Variants in CD200R1 observed in about 807,000 individuals in gnomAD.
The protein encoded by CD200R1 is cell surface glycoprotein CD200 receptor 1.
In CD200R1, 30 loss-of-function variants were observed where a neutral mutation model predicts 38.1. The ratio of observed to expected loss-of-function variants is 0.79; its 90% CI spans 0.59 to 1.07. The LOEUF (loss-of-function observed/expected upper bound fraction) is 1.07, where lower values mean the gene tolerates loss of function less well. Among genes scored for constraint, CD200R1 ranks in the 50% least tolerant of loss-of-function variants. The pLI, the probability that CD200R1 is intolerant of heterozygous loss-of-function variation, is 0.00. For synonymous variants in CD200R1, 128 were observed against 152.1 expected (o/e 0.84, Z 1.16); for missense variants, 372 against 415.4 (o/e 0.90, Z 0.91).
intron 1 of CD200R1, among the ~76,000 whole-genome samples, chr3:112,958,032 T>C: frequency 6.6e-6 from 1 of 152,186 alleles, no homozygotes; most frequent in Non-Finnish European, 1.5e-5. Context: ...CATACATTAC[T>C]AGTGGGAATG....
intron 2 of CD200R1, among the ~76,000 whole-genome samples, chr3:112,943,514 T>C (rs1275367669): frequency 1.3e-5 from 2 of 151,760 alleles, no homozygotes; most frequent in Non-Finnish European, 3.0e-5. Flanking sequence ...TGAATGCACA[T>C]ATTAGAAAAT....
intron 1 of CD200R1, among the ~76,000 whole-genome samples, chr3:112,955,911 CT>C (rs1941088694): frequency 1.3e-5 from 2 of 150,746 alleles, no homozygotes; most frequent in Non-Finnish European, 3.0e-5. Context: ...GTTATTGCTT[CT>C]TTTCTTTTGC....
chr3:112,934,948 C>T (rs1228739131), intron 2 of CD200R1, among the ~76,000 whole-genome samples: 2 of 151,844 alleles, frequency 1.3e-5, no homozygotes, highest in East Asian at 1.9e-4. Context: ...GCAGGAGTAG[C>T]TATACTTACA....
At chr3:112,960,936 A>C (rs1299511039) in intron 1 of CD200R1, among the ~76,000 whole-genome samples, 1 of 152,098 alleles carries the variant, frequency 6.6e-6, no homozygotes, top group East Asian at 1.9e-4. Context: ...ATTTTAAAAC[A>C]CAATTTGAAG....
chr3:112,933,444 G>A (rs1397219836), intron 2 of CD200R1, among the ~76,000 whole-genome samples: 2 of 152,156 alleles, frequency 1.3e-5, no homozygotes, highest in East Asian at 3.8e-4. Flanking sequence ...AGGTCATAGG[G>A]ACACTTGCAA....
chr3:112,952,322 T>G (rs958873384), intron 1 of CD200R1, among the ~76,000 whole-genome samples: 1 of 152,198 alleles, frequency 6.6e-6, no homozygotes, highest in African/African-American at 2.4e-5. Flanking sequence ...AGCTACTAAT[T>G]TTTAATGTTG....
Position 112,922,334 on chromosome 3 carries a change from T to G in CD200R1, c.*1343A>C, listed in dbSNP as rs1379603755. The G allele has an allele frequency of 6.6e-6, 1 of 152,010 alleles. No individual in the cohort carries two copies. Among genetic ancestry groups the G allele is most frequent in the Non-Finnish European group, 1.5e-5 (1 of 67,926 alleles). The allele number at this position is 152,010 out of a possible 1,614,324, so 9.4% of individuals were successfully genotyped here. ...ACTTATGTTTTTAATTAAAAATAATTTCATGATATTAACAATGATTTACAT... is the reference window on the plus strand; with the variant it reads ...ACTTATGTTTTTAATTAAAAATAATGTCATGATATTAACAATGATTTACAT... On this transcript the variant is annotated 3_prime_UTR_variant, in exon 8 of 8. Transcript: ENST00000308611.
rs557093187 is a variant in CD200R1 at position 112,944,787 on chromosome 3, AGCAAGGTT to A, written c.136+3061_136+3068del. On this transcript the variant is annotated intron_variant, in intron 2 of 7. Transcript: ENST00000308611. ...ACTCCTAGAACTAATAAGAAATTGCAGCAAGGTTGCAAAATACAAGGTTAACATACAAA... is the reference window on the plus strand; with the variant it reads ...ACTCCTAGAACTAATAAGAAATTGCAGCAAAATACAAGGTTAACATACAAA... Among the ~76,000 whole-genome samples the A allele has an allele frequency of 1.2e-3, 180 of 152,250 alleles. 2 individuals carry two copies. The South Asian group carries it at 0.023, about 19-fold the overall frequency.
At chr3:112,928,792 A>G (rs1177500268) in intron 5 of CD200R1, 24 bp downstream of exon 5, 2 of 1,544,174 alleles carry the variant, frequency 1.3e-6, no homozygotes, top group Non-Finnish European at 1.8e-6. Context: ...AAAAATAAAA[A>G]ATAAAACTAA....
chr3:112,926,983 G>A (rs998802289), intron 5 of CD200R1, among the ~76,000 whole-genome samples: 7 of 152,058 alleles, frequency 4.6e-5, no homozygotes, highest in South Asian at 4.2e-4. Flanking sequence ...TATGTGGAGG[G>A]GTGAAGTGTG....
chr3:112,937,876 G>A lies in CD200R1; in HGVS notation c.137-6705C>T, dbSNP rs545247161. On this transcript the variant is annotated intron_variant, in intron 2 of 7. Transcript: ENST00000308611. ...TCATCTCTGATTTCTTTGAGCAGCA[G>A]TTTATAGTTTTTCTTAAAGAGGTCC... Among the ~76,000 whole-genome samples, 10 of 152,210 alleles carry A rather than the reference G, an allele frequency of 6.6e-5. No homozygotes were observed. The South Asian group carries it at 1.9e-3, about 28-fold the overall frequency.
At chr3:112,929,944 A>G (rs1021783026) in intron 3 of CD200R1, among the ~76,000 whole-genome samples, 16 of 152,114 alleles carry the variant, frequency 1.1e-4, no homozygotes, top group Admixed American at 6.5e-4. Flanking sequence ...GTGAGCACAA[A>G]AAAGTCTATC....
At chr3:112,957,521 A>G (rs1339956888) in intron 1 of CD200R1, among the ~76,000 whole-genome samples, 5 of 152,236 alleles carry the variant, frequency 3.3e-5, no homozygotes, top group African/African-American at 1.2e-4. Flanking sequence ...GCTTAAATGT[A>G]AAAGCTAAAA....
chr3:112,972,816 G>A lies in CD200R1; in HGVS notation c.67+1975C>T, dbSNP rs531142874. Among the ~76,000 whole-genome samples the A allele has an allele frequency of 2.6e-5, 4 of 152,306 alleles. No homozygotes were observed. In the South Asian group the frequency reaches 8.3e-4, roughly 32 times the overall value. ...CCTTGTTCCTTTGTGAATTTACCTT[G>A]TACAAAGCGAGTTCTTTCTGTTTGG... On this transcript the variant is annotated intron_variant, in intron 1 of 7. Coordinates refer to ENST00000308611, the MANE Select transcript of CD200R1 (RefSeq NM_138806.4).
Position 112,923,718 on chromosome 3 carries a change from C to T in CD200R1, c.1006G>A (p.Ala336Thr), listed in dbSNP as rs1940218962. ...TCTGTGTCAACTTCACTTTGTAATG[C>T]CTCAGATGCCTTCACCTTGTTTGTA... is the stretch of plus-strand genomic sequence containing the variant. ...DTTNKVKASE[A>T]LQSEVDTDLH... Residue 336 changes from alanine (A) to threonine (T), a missense_variant, in exon 8 of 8, where the codon GCA becomes ACA. Physicochemically the swap from Ala to Thr is moderately conservative, Grantham distance 58 (BLOSUM62 0). Coordinates refer to ENST00000308611, the MANE Select transcript of CD200R1 (RefSeq NM_138806.4). The T allele has an allele frequency of 3.1e-6, 5 of 1,605,888 alleles. No homozygotes were observed. The South Asian group carries it at 5.5e-5, about 18-fold the overall frequency.
chr3:112,957,608 A>G (rs1268272017), intron 1 of CD200R1, among the ~76,000 whole-genome samples: 1 of 152,220 alleles, frequency 6.6e-6, no homozygotes, highest in Non-Finnish European at 1.5e-5. Context: ...GGACATAAGT[A>G]GAACAAGCCA....
intron 1 of CD200R1, among the ~76,000 whole-genome samples, chr3:112,954,788 A>T (rs1334514521): frequency 1.3e-5 from 2 of 152,166 alleles, no homozygotes; most frequent in Non-Finnish European, 2.9e-5. Flanking sequence ...TATCCTTTGT[A>T]ATATCTTTCA....
chr3:112,945,965 G>A (rs561545478), intron 2 of CD200R1, among the ~76,000 whole-genome samples: 4 of 147,938 alleles, frequency 2.7e-5, no homozygotes, highest in South Asian at 2.1e-4. Flanking sequence ...CCCGGGAGGC[G>A]GAGCTTGCAG....
intron 1 of CD200R1, among the ~76,000 whole-genome samples, chr3:112,974,441 A>G (rs1254004859): frequency 1.3e-5 from 2 of 152,150 alleles, no homozygotes; most frequent in East Asian, 3.9e-4. Flanking sequence ...GTCTCAAAAA[A>G]GGGGGTTGGG....
Sources: allele counts gnomAD v4.1 joint callset (sites outside exome capture counted in the v4.1 genomes callset), GRCh38; gene constraint gnomAD v4.1.1; transcripts MANE v1.5; gene names NCBI Gene and HGNC (gene_info 2026-07-23, HGNC 2026-07-21).